Variants in RSF1 observed in about 807,000 individuals in gnomAD.
The protein encoded by RSF1 is remodeling and spacing factor 1, also known as HBV pX-associated protein 8.
In RSF1, 13 loss-of-function variants were observed where a neutral mutation model predicts 145.2. The ratio of observed to expected loss-of-function variants is 0.09; its 90% CI spans 0.06 to 0.14. RSF1 has a LOEUF of 0.14. Ranked by LOEUF, RSF1 falls within the 10% of genes least tolerant of loss-of-function variation. The pLI is 1.00. For synonymous variants in RSF1, 577 were observed against 592.6 expected, an observed-to-expected ratio of 0.97 and a Z score of 0.38; for missense variants, 1,517 against 1,718.2, an observed-to-expected ratio of 0.88 and a Z score of 2.07.
At chr11:77,671,106 C>CAAAA (rs1171789380) in intron 15 of RSF1, among the ~76,000 whole-genome samples, 3 of 5,532 alleles carry the variant, frequency 5.4e-4, no homozygotes, top group Non-Finnish European at 7.8e-4. Context: ...ACTCTGTCAC[C>CAAAA]AAAAAAAAAA....
chr11:77,823,483 CA>C (rs1182566012), upstream of RSF1, among the ~76,000 whole-genome samples: 1 of 151,534 alleles, frequency 6.6e-6, no homozygotes, highest in African/African-American at 2.4e-5. Context: ...GTAATCCAAG[CA>C]CTCTGGGAGG....
intron 2 of RSF1, among the ~76,000 whole-genome samples, chr11:77,747,853 G>GT (rs1375861728): frequency 6.6e-6 from 1 of 152,184 alleles, no homozygotes; most frequent in Non-Finnish European, 1.5e-5. Flanking sequence ...CTGTGAGCTA[G>GT]TTTTTTCAGC....
At chr11:77,667,595 C>G in intron 15 of RSF1, 104 bp from the exon 16 acceptor site, 1 of 1,011,210 alleles carries the variant, frequency 9.9e-7, no homozygotes, top group South Asian at 1.6e-5. Context: ...TTCAGAATTG[C>G]TTGTACCTAA....
chr11:77,664,642 G>A lies in RSF1; in HGVS notation c.*2275C>T, dbSNP rs1959318162. On this transcript the variant is annotated 3_prime_UTR_variant, in exon 16 of 16. Coordinates refer to ENST00000308488, the MANE Select transcript of RSF1 (RefSeq NM_016578.4). ...TTCCACACAATAGTGGCTTTACCCA[G>A]CTGCAGGACTAAAACGGTAGTGAGA... The A allele has an allele frequency of 6.6e-6, 1 of 152,232 alleles. No individual in the cohort carries two copies. The highest frequency in any genetic ancestry group is 1.5e-5 in the Non-Finnish European group (1 of 68,048). The allele number at this position is 152,232 out of a possible 1,614,324, so 9.4% of individuals were successfully genotyped here.
chr11:77,728,837 TTAGA>T (rs1424178253), intron 4 of RSF1, among the ~76,000 whole-genome samples: 1 of 151,354 alleles, frequency 6.6e-6, no homozygotes, highest in African/African-American at 2.4e-5. Context: ...TATCCCGGTG[TTAGA>T]TAGTGGTACC....
At chr11:77,869,811 C>A in the RSF1 span, 1 of 1,613,644 alleles carries the variant, frequency 6.2e-7, no homozygotes, top group Non-Finnish European at 8.5e-7. Flanking sequence ...TGAGTGAGGC[C>A]TTGAAGGTAG....
chr11:77,712,590 T>C (rs1359074501), intron 5 of RSF1, among the ~76,000 whole-genome samples: 2 of 152,236 alleles, frequency 1.3e-5, no homozygotes, highest in Non-Finnish European at 2.9e-5. Flanking sequence ...GCTAATATCC[T>C]GCTTCTAAAC....
At chr11:77,780,785 ACT>A (rs1342459363) in intron 1 of RSF1, among the ~76,000 whole-genome samples, 1 of 147,536 alleles carries the variant, frequency 6.8e-6, no homozygotes, top group Non-Finnish European at 1.5e-5. Context: ...AGATCATGCC[ACT>A]GCACTACAGC....
chr11:77,850,396 C>G, the RSF1 span, among the ~76,000 whole-genome samples: 1 of 152,118 alleles, frequency 6.6e-6, no homozygotes, highest in Non-Finnish European at 1.5e-5. Context: ...CTCTAAAGCC[C>G]ATACTTTCCT....
intron 11 of RSF1, among the ~76,000 whole-genome samples, chr11:77,678,708 C>T (rs1959779582): frequency 6.6e-6 from 1 of 152,086 alleles, no homozygotes; most frequent in Non-Finnish European, 1.5e-5. Context: ...GTTTCTTCCA[C>T]CATATGGGGT....
At chr11:77,872,183 A>G in the RSF1 span, 1 of 1,612,734 alleles carries the variant, frequency 6.2e-7, no homozygotes, top group Admixed American at 1.7e-5. Context: ...AGGTGCCTTC[A>G]TCAACTGTGG....
the RSF1 span, among the ~76,000 whole-genome samples, chr11:77,861,371 G>A: frequency 6.3e-3 from 954 of 152,346 alleles, 4 homozygotes; most frequent in Non-Finnish European, 0.011. Context: ...CTTGGATAGT[G>A]ACAGATCTGG....
intron 7 of RSF1, among the ~76,000 whole-genome samples, chr11:77,697,253 G>A (rs1283050476): frequency 6.6e-6 from 1 of 151,734 alleles, no homozygotes; most frequent in Non-Finnish European, 1.5e-5. Context: ...AAACTTTAGA[G>A]GATCTCAAAT....
the RSF1 span, chr11:77,829,968 C>T: frequency 6.6e-6 from 1 of 152,078 alleles, no homozygotes; most frequent in Non-Finnish European, 1.5e-5. Flanking sequence ...CCCATCTCTA[C>T]AAAATTCTTT....
In RSF1 at chr11:77,666,877, C is replaced by G; in HGVS notation, c.*40G>C. 1 of 1,463,338 alleles carries G rather than the reference C, an allele frequency of 6.8e-7. No individual in the cohort carries two copies. The highest frequency in any genetic ancestry group is 9.2e-7 in the Non-Finnish European group (1 of 1,090,048). The allele number at this position is 1,463,338 out of a possible 1,614,324, so 90.6% of individuals were successfully genotyped here. On this transcript the variant is annotated 3_prime_UTR_variant, in exon 16 of 16. Coordinates refer to ENST00000308488, the MANE Select transcript of RSF1 (RefSeq NM_016578.4). ...AATAACTGGCCCGCTGGTGTGAGAGCTACCGTGGAATAAATTAGCACAAAA... is the reference window on the plus strand; with the variant it reads ...AATAACTGGCCCGCTGGTGTGAGAGGTACCGTGGAATAAATTAGCACAAAA...
chr11:77,872,073 T>C, the RSF1 span: 6 of 1,300,580 alleles, frequency 4.6e-6, no homozygotes, highest in African/African-American at 6.0e-5. Context: ...GAAGTGACGA[T>C]TGTCACTGTC....
chr11:77,781,058 T>C (rs1216928503), intron 1 of RSF1, among the ~76,000 whole-genome samples: 1 of 152,204 alleles, frequency 6.6e-6, no homozygotes, highest in Non-Finnish European at 1.5e-5. Flanking sequence ...TATGAATTTA[T>C]AAAAATTTGG....
the RSF1 span, among the ~76,000 whole-genome samples, chr11:77,832,288 G>A: frequency 7.3e-5 from 11 of 151,406 alleles, no homozygotes; most frequent in Non-Finnish European, 1.3e-4. Flanking sequence ...TATTCTTTGA[G>A]TTTATAAGTT....
chr11:77,850,953 C>CTTTTTTTT, the RSF1 span: 8 of 119,552 alleles, frequency 6.7e-5, no homozygotes, highest in East Asian at 2.5e-4. Flanking sequence ...ACAATAATAT[C>CTTTTTTTT]TTTTTTTTTT....
Sources: allele counts gnomAD v4.1 joint callset (sites outside exome capture counted in the v4.1 genomes callset), GRCh38; gene constraint gnomAD v4.1.1; transcripts MANE v1.5; gene names NCBI Gene and HGNC (gene_info 2026-07-23, HGNC 2026-07-21).